FAM174A: variants seen among roughly 807,000 people sequenced by gnomAD.
FAM174A encodes family with sequence similarity 174 member A, also known as membrane protein FAM174A.
Under a neutral mutation model 14.3 loss-of-function variants are expected in FAM174A, and 14 were observed. The ratio of observed to expected loss-of-function variants is 0.98; its 90% CI spans 0.65 to 1.53. The LOEUF is 1.53. FAM174A is among the 40% of genes most tolerant of loss of function. The pLI, the probability that FAM174A is intolerant of heterozygous loss-of-function variation, is 0.00. For synonymous variants in FAM174A, 108 were observed against 111.4 expected (o/e 0.97, Z 0.19); for missense variants, 241 against 249.6 (o/e 0.97, Z 0.23).
Position 100,542,912 on chromosome 5 carries a change from A to G in FAM174A, c.434+6948A>G, listed in dbSNP as rs558711470. On this transcript the variant is annotated intron_variant, in intron 1 of 2. Coordinates refer to ENST00000312637, the MANE Select transcript of FAM174A (RefSeq NM_198507.3). Reference sequence around the variant, plus strand: ...AGGGGGTATATGTGTGTGTGTATATATATGTGTGTGTGTAATATATATGTA... The same window carrying G: ...AGGGGGTATATGTGTGTGTGTATATGTATGTGTGTGTGTAATATATATGTA... 7.2e-5 allele frequency among the ~76,000 whole-genome samples: 11 copies of G among 151,896 alleles called. No homozygotes were observed. The South Asian group carries it at 8.3e-4, about 11-fold the overall frequency.
At chr5:100,551,812 A>T (rs1746268714) in intron 1 of FAM174A, among the ~76,000 whole-genome samples, 1 of 152,130 alleles carries the variant, frequency 6.6e-6, no homozygotes, top group Non-Finnish European at 1.5e-5. Context: ...TCATGTTCAC[A>T]TGGCGTTCTG....
In FAM174A at chr5:100,535,929, C is replaced by A. The variant is rs1561310066; in HGVS notation, c.399C>A (p.Gly133=). 6.2e-7 allele frequency: 1 copy of A among 1,607,416 alleles called. No individual in the cohort carries two copies. ...RALTVLMVVS[G]AVLVYFVVRT... ...TGACCGTGTTGATGGTGGTGAGCGG[C>A]GCGGTGCTGGTGTACTTCGTGGTCA... The change falls in exon 1 of 3, where the codon GGC becomes GGA. Residue 133 remains glycine, a synonymous_variant. Transcript: ENST00000312637.
intron 1 of FAM174A, among the ~76,000 whole-genome samples, chr5:100,537,284 A>G (rs939197075): frequency 6.6e-6 from 1 of 152,186 alleles, no homozygotes; most frequent in Admixed American, 6.5e-5. Context: ...TCTATTTTTT[A>G]TCTACTCCTA....
chr5:100,553,798 A>C (rs535026201), intron 1 of FAM174A, among the ~76,000 whole-genome samples: 20 of 152,288 alleles, frequency 1.3e-4, no homozygotes, highest in African/African-American at 4.8e-4. Flanking sequence ...TGTTTAGGCT[A>C]TATACAGATA....
At chr5:100,551,286 G>A (rs1179780158) in intron 1 of FAM174A, among the ~76,000 whole-genome samples, 1 of 152,146 alleles carries the variant, frequency 6.6e-6, no homozygotes, top group East Asian at 1.9e-4. Context: ...TCTTCCTGCT[G>A]TCACAGATTT....
At chr5:100,543,267 G>A (rs377059964) in intron 1 of FAM174A, among the ~76,000 whole-genome samples, 21 of 151,970 alleles carry the variant, frequency 1.4e-4, no homozygotes, top group East Asian at 9.7e-4. Context: ...ACAGGCGCAC[G>A]CCACCACACC....
intron 2 of FAM174A, among the ~76,000 whole-genome samples, chr5:100,583,295 A>G (rs913982995): frequency 3.3e-5 from 5 of 152,196 alleles, no homozygotes; most frequent in Non-Finnish European, 7.4e-5. Context: ...GTAACTTTAC[A>G]GAAACACATC....
chr5:100,563,843 G>T (rs1180390530), intron 2 of FAM174A, among the ~76,000 whole-genome samples: 1 of 151,828 alleles, frequency 6.6e-6, no homozygotes, highest in African/African-American at 2.4e-5. Context: ...AGGAAAACAG[G>T]AAAAATTATA....
intron 2 of FAM174A, among the ~76,000 whole-genome samples, chr5:100,585,472 G>A (rs1420355453): frequency 1.3e-5 from 2 of 152,086 alleles, no homozygotes; most frequent in East Asian, 3.9e-4. Flanking sequence ...GGAATACGGT[G>A]GCACAATCTC....
intron 2 of FAM174A, among the ~76,000 whole-genome samples, chr5:100,580,363 A>G (rs1344764302): frequency 1.3e-5 from 2 of 152,210 alleles, no homozygotes; most frequent in Non-Finnish European, 2.9e-5. Flanking sequence ...AATGGAATAT[A>G]TATGTATGGG....
Position 100,535,641 on chromosome 5 carries a change from C to T in FAM174A, c.111C>T (p.Ala37=), listed in dbSNP as rs747652880. The part of the protein sequence containing the change: ...SGPLAVLLQA[A]EAAPGLGPPD... Reference sequence around the variant, plus strand: ...CCCTGGCAGTCCTGCTGCAGGCAGCCGAGGCCGCGCCAGGTCTTGGGCCTC... The same window carrying T: ...CCCTGGCAGTCCTGCTGCAGGCAGCTGAGGCCGCGCCAGGTCTTGGGCCTC... Residue 37 remains alanine, a synonymous_variant, in exon 1 of 3, where the codon GCC becomes GCT. Coordinates refer to ENST00000312637, the MANE Select transcript of FAM174A (RefSeq NM_198507.3). 3.7e-6 allele frequency: 6 copies of T among 1,612,794 alleles called. No individual in the cohort carries two copies. The East Asian group carries it at 1.1e-4, about 30-fold the overall frequency.
At chr5:100,557,293 A>G (rs1400762132) in intron 1 of FAM174A, among the ~76,000 whole-genome samples, 1 of 151,924 alleles carries the variant, frequency 6.6e-6, no homozygotes, top group Non-Finnish European at 1.5e-5. Flanking sequence ...AGCCCACTTG[A>G]TCTTGGTGGA....
At chr5:100,565,403 T>G (rs1262993738) in intron 2 of FAM174A, among the ~76,000 whole-genome samples, 1 of 151,842 alleles carries the variant, frequency 6.6e-6, no homozygotes, top group Admixed American at 6.6e-5. Flanking sequence ...GGACAAAATA[T>G]TTATAAACCA....
At chr5:100,573,110 TC>T (rs1399580949) in intron 2 of FAM174A, among the ~76,000 whole-genome samples, 3 of 152,332 alleles carry the variant, frequency 2.0e-5, no homozygotes, top group African/African-American at 7.2e-5. Flanking sequence ...TTTGTTTTTT[TC>T]TTGTAAATTT....
intron 1 of FAM174A, among the ~76,000 whole-genome samples, chr5:100,559,715 T>A (rs1030311293): frequency 5.3e-5 from 8 of 152,262 alleles, no homozygotes; most frequent in African/African-American, 1.9e-4. Flanking sequence ...CCATCACTGA[T>A]ACCCTTTCTT....
intron 2 of FAM174A, among the ~76,000 whole-genome samples, chr5:100,583,226 C>T (rs752737623): frequency 2.6e-5 from 4 of 152,088 alleles, no homozygotes; most frequent in Non-Finnish European, 5.9e-5. Flanking sequence ...CTTGCTGTCT[C>T]AGGGGTGGTA....
chr5:100,550,582 C>T (rs1257860619), intron 1 of FAM174A, among the ~76,000 whole-genome samples: 1 of 152,142 alleles, frequency 6.6e-6, no homozygotes, highest in African/African-American at 2.4e-5. Flanking sequence ...ACAGATACAG[C>T]TCCTGCTCTC....
At chr5:100,574,339 C>A (rs999649132) in intron 2 of FAM174A, among the ~76,000 whole-genome samples, 4 of 151,976 alleles carry the variant, frequency 2.6e-5, no homozygotes, top group Non-Finnish European at 5.9e-5. Flanking sequence ...CAGATGTGCC[C>A]ACCAAGCCTG....
intron 1 of FAM174A, among the ~76,000 whole-genome samples, chr5:100,547,836 T>A (rs1391946290): frequency 6.8e-6 from 1 of 146,444 alleles, no homozygotes; most frequent in Non-Finnish European, 1.5e-5. Context: ...AAGGAAATAT[T>A]TTTTTTTTGT....
Sources: allele counts gnomAD v4.1 joint callset (sites outside exome capture counted in the v4.1 genomes callset), GRCh38; gene constraint gnomAD v4.1.1; transcripts MANE v1.5; gene names NCBI Gene and HGNC (gene_info 2026-07-23, HGNC 2026-07-21).